SCAPER: variants seen among roughly 807,000 people sequenced by gnomAD.
SCAPER encodes S phase cyclin A-associated protein in the endoplasmic reticulum.
Under a neutral mutation model 182.2 loss-of-function variants are expected in SCAPER, and 98 were observed. That is an observed-to-expected ratio of 0.54 (90% confidence interval 0.46 to 0.64). The LOEUF is 0.64. SCAPER is among the 30% of genes least tolerant of loss of function. The probability of loss-of-function intolerance (pLI) is 0.00; values close to 1 mark genes in which losing one functional copy is unlikely to be tolerated. For synonymous variants in SCAPER, 605 were observed against 564.6 expected (o/e 1.07, Z -1.01); for missense variants, 1,432 against 1,690.0 (o/e 0.85, Z 2.68).
intron 21 of SCAPER, among the ~76,000 whole-genome samples, chr15:76,644,199 C>T (rs1460358475): frequency 6.6e-6 from 1 of 152,148 alleles, no homozygotes; most frequent in African/African-American, 2.4e-5. Context: ...AGAGCTGAGG[C>T]TACATGGAAT....
chr15:76,584,725 T>A (rs1362719910), intron 22 of SCAPER, among the ~76,000 whole-genome samples: 1 of 152,138 alleles, frequency 6.6e-6, no homozygotes, highest in African/African-American at 2.4e-5. Flanking sequence ...TACTTATTTA[T>A]TTATTTGTAA....
intron 24 of SCAPER, among the ~76,000 whole-genome samples, chr15:76,476,376 T>G (rs147895771): frequency 3.9e-5 from 6 of 152,138 alleles, no homozygotes; most frequent in Non-Finnish European, 7.4e-5. Flanking sequence ...AATCTAGAAG[T>G]CTTACAACAA....
At chr15:76,838,791 A>AC (rs1209477156) in intron 5 of SCAPER, among the ~76,000 whole-genome samples, 1 of 152,166 alleles carries the variant, frequency 6.6e-6, no homozygotes, top group East Asian at 1.9e-4. Flanking sequence ...AGACACCAAA[A>AC]TCAGTCCACA....
chr15:76,701,752 G>C lies in SCAPER; in HGVS notation c.2508+6C>G. 1 of 1,609,872 alleles carries C rather than the reference G, an allele frequency of 6.2e-7. No individual in the cohort carries two copies. Among genetic ancestry groups the C allele is most frequent in the Non-Finnish European group, 8.5e-7 (1 of 1,176,440 alleles). On this transcript the variant is annotated splice_donor_region_variant and intron_variant, in intron 20 of 31. Coordinates refer to ENST00000563290, the MANE Select transcript of SCAPER (RefSeq NM_020843.4). ...ACAATTGTAAATGAACAAAAATAAA[G>C]TTTACCACTTCTTCATCTGACAGTT...
intron 2 of SCAPER, among the ~76,000 whole-genome samples, chr15:76,869,416 C>G (rs547161683): frequency 6.6e-6 from 1 of 151,668 alleles, no homozygotes; most frequent in South Asian, 2.1e-4. Flanking sequence ...AACTCACTAG[C>G]AAAACACAAA....
intron 21 of SCAPER, among the ~76,000 whole-genome samples, chr15:76,659,373 T>C (rs1186387919): frequency 6.6e-6 from 1 of 152,120 alleles, no homozygotes; most frequent in Non-Finnish European, 1.5e-5. Flanking sequence ...CAGGCTCAAG[T>C]GATCCTCTTG....
intron 5 of SCAPER, among the ~76,000 whole-genome samples, chr15:76,817,744 G>T (rs1478812371): frequency 6.6e-6 from 1 of 151,854 alleles, no homozygotes; most frequent in East Asian, 1.9e-4. Flanking sequence ...CCCAAAATAT[G>T]AAATACTTAG....
At chr15:76,464,581 T>TA (rs1381233276) in intron 25 of SCAPER, among the ~76,000 whole-genome samples, 1 of 152,162 alleles carries the variant, frequency 6.6e-6, no homozygotes, top group Admixed American at 6.5e-5. Flanking sequence ...TAAATAGACC[T>TA]ATGCAGTTCA....
At chr15:76,685,278 T>C (rs1395362346) in intron 20 of SCAPER, among the ~76,000 whole-genome samples, 1 of 151,914 alleles carries the variant, frequency 6.6e-6, no homozygotes, top group East Asian at 1.9e-4. Context: ...ATGCCACCGC[T>C]ACATGTGTTC....
chr15:76,407,552 T>A (rs1349627178), intron 26 of SCAPER, among the ~76,000 whole-genome samples: 2 of 152,238 alleles, frequency 1.3e-5, no homozygotes, highest in African/African-American at 2.4e-5. Flanking sequence ...ACTTGTTTTT[T>A]TCTGATTATA....
At chr15:76,565,467 C>T (rs1024858216) in intron 23 of SCAPER, among the ~76,000 whole-genome samples, 31 of 151,962 alleles carry the variant, frequency 2.0e-4, no homozygotes, top group African/African-American at 7.3e-4. Context: ...CAAATCAAAA[C>T]CACAATAAGA....
At chr15:76,384,861 T>C (rs1199981119) in intron 27 of SCAPER, among the ~76,000 whole-genome samples, 1 of 152,246 alleles carries the variant, frequency 6.6e-6, no homozygotes, top group Non-Finnish European at 1.5e-5. Context: ...TGGTCTTAAC[T>C]GTCAGTTATA....
At chr15:76,849,497 T>C (rs766498089) in intron 4 of SCAPER, among the ~76,000 whole-genome samples, 1 of 151,992 alleles carries the variant, frequency 6.6e-6, no homozygotes, top group Non-Finnish European at 1.5e-5. Context: ...ACTGCTAAAG[T>C]CCCTTCCTCT....
chr15:76,493,377 G>A (rs2052521369), intron 24 of SCAPER, among the ~76,000 whole-genome samples: 1 of 152,068 alleles, frequency 6.6e-6, no homozygotes. Context: ...CTTAATTGGT[G>A]AATCTGGTCC....
At chr15:76,704,297 C>T (rs1329269596) in intron 18 of SCAPER, among the ~76,000 whole-genome samples, 1 of 152,124 alleles carries the variant, frequency 6.6e-6, no homozygotes, top group East Asian at 1.9e-4. Context: ...ATGGTAGTTT[C>T]TTTTGCTGTG....
chr15:76,559,836 A>G (rs1265058017), intron 23 of SCAPER, among the ~76,000 whole-genome samples: 1 of 152,200 alleles, frequency 6.6e-6, no homozygotes, highest in East Asian at 1.9e-4. Flanking sequence ...CCAAATCCCC[A>G]TGACACAAAA....
intron 23 of SCAPER, among the ~76,000 whole-genome samples, chr15:76,564,133 C>A (rs749728889): frequency 6.6e-6 from 1 of 152,126 alleles, no homozygotes; most frequent in Admixed American, 6.5e-5. Context: ...TCTCACCACA[C>A]CTATTCAACA....
At chr15:76,368,341 T>TTAAC (rs1491393795) in intron 29 of SCAPER, among the ~76,000 whole-genome samples, 5 of 152,390 alleles carry the variant, frequency 3.3e-5, no homozygotes, top group African/African-American at 1.2e-4. Context: ...ACTGCCACTC[T>TTAAC]TAACACACAA....
intron 8 of SCAPER, among the ~76,000 whole-genome samples, chr15:76,779,842 G>A (rs536477627): frequency 1.3e-5 from 2 of 152,228 alleles, no homozygotes; most frequent in South Asian, 4.1e-4. Context: ...TATAAGCTAT[G>A]ACCAAGTGAA....
Sources: allele counts gnomAD v4.1 joint callset (sites outside exome capture counted in the v4.1 genomes callset), GRCh38; gene constraint gnomAD v4.1.1; transcripts MANE v1.5; gene names NCBI Gene and HGNC (gene_info 2026-07-23, HGNC 2026-07-21).